The following LILRB1 variants were observed in gnomAD, a reference collection of about 807,000 sequenced individuals.
LILRB1 encodes the protein leukocyte immunoglobulin like receptor B1.
In LILRB1, 59 loss-of-function variants were observed where a neutral mutation model predicts 74.6. The observed-to-expected ratio is 0.79, with a 90% confidence interval of 0.64 to 0.98. LILRB1 has a LOEUF of 0.98. Ranked by LOEUF, LILRB1 falls within the 50% of genes least tolerant of loss-of-function variation. LILRB1 has a pLI of 0.00. For synonymous variants in LILRB1, 328 were observed against 333.9 expected (o/e 0.98, Z 0.19); for missense variants, 804 against 822.6 (o/e 0.98, Z 0.28).
rs61739175 is a variant in LILRB1, at chr19:54,633,259, A to G, written c.1202A>G (p.Gln401Arg). 7 of 1,504,410 alleles carry G rather than the reference A, an allele frequency of 4.7e-6. No individual in the cohort carries two copies. Among genetic ancestry groups the G allele is most frequent in the South Asian group, 1.2e-5 (1 of 86,522 alleles). The allele number at this position is 1,504,410 out of a possible 1,614,324, so 93.2% of individuals were successfully genotyped here. ...GGGACCTACAGGTGCTACGGCTCAC[A>G]GAGCTCCAAACCCTACCTGCTGACT... is the stretch of plus-strand genomic sequence containing the variant. ...HAGTYRCYGS[Q>R]SSKPYLLTHP... The change falls in exon 7 of 15, where the codon CAG becomes CGG. Residue 401 changes from glutamine to arginine, a missense_variant. Transcript: ENST00000324602.
intron 1 of LILRB1, among the ~76,000 whole-genome samples, chr19:54,620,875 T>G (rs2063437877): frequency 6.6e-6 from 1 of 152,174 alleles, no homozygotes; most frequent in Non-Finnish European, 1.5e-5. Flanking sequence ...TTTATTTATT[T>G]ATTTTTTATT....
intron 8 of LILRB1, 82 bp from the exon 9 acceptor site, chr19:54,633,889 G>A (rs1420563069): frequency 4.6e-6 from 7 of 1,526,986 alleles, no homozygotes; most frequent in Non-Finnish European, 6.2e-6. Flanking sequence ...GAGAAATGTT[G>A]GGGCCCAGCC....
rs1449863552 is a variant in LILRB1 at position 54,631,126 on chromosome 19, G to C, written c.34+19G>C. The C allele has an allele frequency of 1.8e-5, 17 of 956,566 alleles. No homozygotes were observed. Among genetic ancestry groups the C allele is most frequent in the Admixed American group, 1.7e-4 (5 of 29,434 alleles). 59.3% of individuals were successfully genotyped at this position (956,566 alleles called of 1,614,324 possible). On this transcript the variant is annotated intron_variant, in intron 2 of 14. Coordinates refer to ENST00000324602, the MANE Select transcript of LILRB1 (RefSeq NM_001081637.3). ...TGTCTCGGTGAGATTTGAAGAAGGA[G>C]GGGAGCTTCTAACCTAAGAGGGACC...
rs61737863 is a variant in LILRB1, at chr19:54,632,507, C to T, written c.705C>T (p.Ile235=). ...KPSLSVQPGP[I]VAPEETLTLQ... ...CACTCTCAGTGCAGCCAGGTCCTAT[C>T]GTGGCCCCTGAGGAGACCCTGACTC... is the stretch of plus-strand genomic sequence containing the variant. The change falls in exon 6 of 15, where the codon ATC becomes ATT. Residue 235 remains isoleucine (I), a synonymous_variant. Coordinates refer to ENST00000324602, the MANE Select transcript of LILRB1 (RefSeq NM_001081637.3). 1.1e-4 allele frequency: 183 copies of T among 1,613,744 alleles called. No homozygotes were observed. The highest frequency in any genetic ancestry group is 1.5e-4 in the Non-Finnish European group (179 of 1,179,830).
chr19:54,631,721 T>A lies in LILRB1; in HGVS notation c.292T>A (p.Cys98Ser). The A allele has an allele frequency of 6.2e-7, 1 of 1,614,264 alleles. No individual in the cohort carries two copies. ...ITWEHTGRYR[C>S]YYGSDTAGRS... Reference sequence around the variant, plus strand: ...CTGGGAACACACAGGGCGGTATCGCTGTTACTATGGTAGCGACACTGCAGG... The same window carrying A: ...CTGGGAACACACAGGGCGGTATCGCAGTTACTATGGTAGCGACACTGCAGG... Residue 98 changes from cysteine (C) to serine (S), a missense_variant, in exon 4 of 15, where the codon TGT becomes AGT. By Grantham distance (112) the Cys-to-Ser change is moderately radical. Transcript: ENST00000324602.
chr19:54,632,905 A>C (rs567411537), intron 6 of LILRB1, 111 bp from the exon 7 acceptor site: 1 of 1,542,364 alleles, frequency 6.5e-7, no homozygotes, highest in South Asian at 1.2e-5. Flanking sequence ...GGGGAGGGGG[A>C]GACTCAGAGA....
chr19:54,623,194 G>T (rs540419121), intron 1 of LILRB1, among the ~76,000 whole-genome samples: 3 of 152,174 alleles, frequency 2.0e-5, no homozygotes, highest in Non-Finnish European at 4.4e-5. Flanking sequence ...AGCTAGGAAA[G>T]AATCCCATCG....
Position 54,634,662 on chromosome 19 carries a change from T to C in LILRB1, c.1385T>C (p.Val462Ala). 6.2e-7 allele frequency: 1 copy of C among 1,613,586 alleles called. No individual in the cohort carries two copies. The highest frequency in any genetic ancestry group is 2.2e-5 in the East Asian group (1 of 44,862). ...CAAGGTCTGGGAAGGCACCTGGGGG[T>C]TGTGATCGGCATCTTGGTGGCCGTC... ...PQSGLGRHLG[V>A]VIGILVAVIL... The change falls in exon 10 of 15, where the codon GTT becomes GCT. Residue 462 changes from valine to alanine, a missense_variant. By Grantham distance (64) the Val-to-Ala change is moderately conservative (BLOSUM62 0). Coordinates refer to ENST00000324602, the MANE Select transcript of LILRB1 (RefSeq NM_001081637.3).
Position 54,631,532 on chromosome 19 carries a change from C to A in LILRB1, c.103C>A (p.Pro35Thr). The change falls in exon 4 of 15, where the codon CCA becomes ACA. Residue 35 changes from proline (P) to threonine (T), a missense_variant. Transcript: ENST00000324602. ...CCCCAAGCCCACCCTCTGGGCTGAA[C>A]CAGGCTCTGTGATCACCCAGGGGAG... ...HLPKPTLWAE[P>T]GSVITQGSPV... 2 of 1,613,666 alleles carry A rather than the reference C, an allele frequency of 1.2e-6. No homozygotes were observed. Among genetic ancestry groups the A allele is most frequent in the African/African-American group, 1.3e-5 (1 of 75,050 alleles).
At position 54,636,960 on chromosome 19, in the gene LILRB1, C is replaced by T; in HGVS notation, c.*82C>T. The T allele has an allele frequency of 1.3e-6, 2 of 1,567,382 alleles. No individual in the cohort carries two copies. Among genetic ancestry groups the T allele is most frequent in the Non-Finnish European group, 1.7e-6 (2 of 1,147,488 alleles). On this transcript the variant is annotated 3_prime_UTR_variant, in exon 15 of 15. Coordinates refer to ENST00000324602, the MANE Select transcript of LILRB1 (RefSeq NM_001081637.3). ...CCCCCCAGTGGACACCATTGGACCC[C>T]ACCCAGCCTGGATCTACCCCAGGAG...
rs373596220 is a variant in LILRB1, at chr19:54,631,915, G to C, written c.359-20G>C. 1.3e-5 allele frequency: 21 copies of C among 1,610,492 alleles called. No homozygotes were observed. Among genetic ancestry groups the C allele is most frequent in the Non-Finnish European group, 1.7e-5 (20 of 1,177,486 alleles). On this transcript the variant is annotated intron_variant, in intron 4 of 14. Transcript: ENST00000324602. ...GGGTGGTCTGAGCCACATTTAACAC[G>C]GTGCCTCCTTCTCTCCTAGGAGCCT...
upstream of LILRB1, among the ~76,000 whole-genome samples, chr19:54,628,083 C>T (rs2063646539): frequency 6.6e-6 from 1 of 152,136 alleles, no homozygotes. Flanking sequence ...CAGGACCTCA[C>T]ACTCTGTATT....
chr19:54,617,745 T>C (rs188738845), intron 1 of LILRB1, among the ~76,000 whole-genome samples: 67 of 152,228 alleles, frequency 4.4e-4, no homozygotes, highest in African/African-American at 1.5e-3. Context: ...AAGTGTTTCC[T>C]GTAACATGGA....
intron 1 of LILRB1, among the ~76,000 whole-genome samples, chr19:54,619,810 A>T (rs2063406391): frequency 6.6e-6 from 1 of 152,046 alleles, no homozygotes; most frequent in South Asian, 2.1e-4. Flanking sequence ...GTCTTTTTTA[A>T]AAAAAAGTAA....
chr19:54,617,553 C>CTGTGTGTGTGTGTGTGTG (rs55635122), intron 1 of LILRB1, among the ~76,000 whole-genome samples: 5 of 143,302 alleles, frequency 3.5e-5, no homozygotes, highest in South Asian at 4.6e-4. Context: ...TACAGGATGT[C>CTGTGTGTGTGTGTGTGTG]TGTGTGTGTG....
rs769847313 is a variant in LILRB1 at position 54,635,813 on chromosome 19, T to C, written c.1653+204T>C. On this transcript the variant is annotated intron_variant, in intron 13 of 14. Transcript: ENST00000324602. ...TGGGCCTCCTCCCGGGTCCCCTTCC[T>C]GCTCCTCATCCTCTGTTTGGCCGTC... 2.1e-5 allele frequency: 15 copies of C among 724,222 alleles called. No individual in the cohort carries two copies. The African/African-American group carries it at 2.4e-4, about 12-fold the overall frequency. The allele number at this position is 724,222 out of a possible 1,614,324, so 44.9% of individuals were successfully genotyped here.
chr19:54,635,628 C>A lies in LILRB1; in HGVS notation c.1653+19C>A. ...CACTCGGGTGAGACCCCACCCCTGT[C>A]CCAGGCACCAAAGGCCTCCTGGTGC... is the stretch of plus-strand genomic sequence containing the variant. On this transcript the variant is annotated intron_variant, in intron 13 of 14. Coordinates refer to ENST00000324602, the MANE Select transcript of LILRB1 (RefSeq NM_001081637.3). The A allele has an allele frequency of 1.9e-6, 3 of 1,613,642 alleles. No homozygotes were observed. Among genetic ancestry groups the A allele is most frequent in the Non-Finnish European group, 2.5e-6 (3 of 1,179,828 alleles).
chr19:54,633,262 G>T lies in LILRB1; in HGVS notation c.1205G>T (p.Ser402Ile). The T allele has an allele frequency of 6.2e-7, 1 of 1,614,112 alleles. No homozygotes were observed. The highest frequency in any genetic ancestry group is 8.5e-7 in the Non-Finnish European group (1 of 1,180,006). ...ACCTACAGGTGCTACGGCTCACAGA[G>T]CTCCAAACCCTACCTGCTGACTCAC... is the stretch of plus-strand genomic sequence containing the variant. ...AGTYRCYGSQ[S>I]SKPYLLTHPS... The change falls in exon 7 of 15, where the codon AGC (serine) becomes ATC (isoleucine). Residue 402 changes from serine to isoleucine, a missense_variant. Transcript: ENST00000324602.
At chr19:54,631,350 G>A (rs1357756674) in intron 3 of LILRB1, 44 bp downstream of exon 3, 2 of 1,613,432 alleles carry the variant, frequency 1.2e-6, no homozygotes, top group African/African-American at 1.3e-5. Flanking sequence ...TCCTCACTGG[G>A]GACAAGGGGC....
Sources: gnomAD v4.1 joint callset for allele counts (sites outside exome capture counted in the v4.1 genomes callset) on GRCh38, gnomAD v4.1.1 for gene constraint, MANE v1.5 for transcripts, NCBI Gene and HGNC (gene_info 2026-07-23, HGNC 2026-07-21) for gene names.